CCDC180: variants seen among roughly 807,000 people sequenced by gnomAD.
The protein encoded by CCDC180 is coiled-coil domain containing 180.
In CCDC180, 154 loss-of-function variants were observed where a neutral mutation model predicts 209.2. The ratio of observed to expected loss-of-function variants is 0.74; its 90% CI spans 0.65 to 0.84. CCDC180 has a LOEUF of 0.84. Ranked by LOEUF, CCDC180 falls within the 40% of genes least tolerant of loss-of-function variation. The pLI, the probability that CCDC180 is intolerant of heterozygous loss-of-function variation, is 0.00. For missense variants in CCDC180, 1,874 were observed against 1,997.3 expected, an observed-to-expected ratio of 0.94 and a Z score of 1.18; for synonymous variants, 778 against 749.1, an observed-to-expected ratio of 1.04 and a Z score of -0.63.
intron 12 of CCDC180, 122 bp from the exon 13 acceptor site, chr9:97,323,659 T>C: frequency 8.3e-7 from 1 of 1,199,992 alleles, no homozygotes; most frequent in Non-Finnish European, 1.1e-6. Context: ...ATTCATGGGG[T>C]GCAGGGCCCT....
rs753955949 is a variant in CCDC180, at chr9:97,374,527, T to A, written c.4601-16T>A. 6.2e-6 allele frequency: 10 copies of A among 1,602,272 alleles called. No homozygotes were observed. The South Asian group carries it at 1.1e-4, about 18-fold the overall frequency. ...GTCGGTGAGGCTGCAGTCACTAGCCTGTCTTTTGCCTCTAGGGATGGAGCC... is the reference window on the plus strand; with the variant it reads ...GTCGGTGAGGCTGCAGTCACTAGCCAGTCTTTTGCCTCTAGGGATGGAGCC... On this transcript the variant is annotated splice_polypyrimidine_tract_variant and intron_variant, in intron 34 of 36. Transcript: ENST00000529487.
chr9:97,363,956 A>T, intron 28 of CCDC180, 95 bp from the exon 29 acceptor site: 15 of 1,244,258 alleles, frequency 1.2e-5, no homozygotes, highest in Non-Finnish European at 1.7e-5. Context: ...GGCAGGCCCA[A>T]TGCCTCCAGA....
At chr9:97,368,880 T>A (rs1226098094) in intron 31 of CCDC180, among the ~76,000 whole-genome samples, 1 of 152,142 alleles carries the variant, frequency 6.6e-6, no homozygotes, top group African/African-American at 2.4e-5. Flanking sequence ...ACAAAATGCC[T>A]TGAGCAAGAG....
chr9:97,375,803 G>A (rs141909932), intron 36 of CCDC180: 1 of 596,352 alleles, frequency 1.7e-6, no homozygotes, highest in African/African-American at 1.9e-5. Context: ...TGATCCCAAT[G>A]CTGTGGGAGC....
chr9:97,330,740 A>G lies in CCDC180; in HGVS notation c.2247A>G (p.Glu749=). 1 of 1,602,136 alleles carries G rather than the reference A, an allele frequency of 6.2e-7. No homozygotes were observed. The highest frequency in any genetic ancestry group is 8.5e-7 in the Non-Finnish European group (1 of 1,179,344). The change falls in exon 18 of 37, where the codon GAA becomes GAG. Residue 749 remains glutamate (E), a synonymous_variant. Coordinates refer to ENST00000529487, the MANE Select transcript of CCDC180 (RefSeq NM_020893.6). Reference sequence around the variant, plus strand: ...AGAAGGAGGAGAAGGAGGCACAGGAAGAGCAAGAGAGTTTATCTGTGGGTG... The same window carrying G: ...AGAAGGAGGAGAAGGAGGCACAGGAGGAGCAAGAGAGTTTATCTGTGGGTG... ...EEEKEEKEAQ[E]EQESLSVGEE...
intron 31 of CCDC180, among the ~76,000 whole-genome samples, chr9:97,367,662 CAG>C (rs954948957): frequency 1.2e-4 from 19 of 152,028 alleles, no homozygotes; most frequent in African/African-American, 4.6e-4. Context: ...TTAGTAAAGA[CAG>C]GGTTTCACCA....
chr9:97,362,455 C>T lies in CCDC180; in HGVS notation c.3902+14C>T. 1 of 1,609,538 alleles carries T rather than the reference C, an allele frequency of 6.2e-7. No individual in the cohort carries two copies. Among genetic ancestry groups the T allele is most frequent in the South Asian group, 1.1e-5 (1 of 90,418 alleles). ...CTCTGCAGGCAGGTAGGACACAAAGCAGCCAGAATCGCCCCTTCCCAGTCC... is the reference window on the plus strand; with the variant it reads ...CTCTGCAGGCAGGTAGGACACAAAGTAGCCAGAATCGCCCCTTCCCAGTCC... On this transcript the variant is annotated intron_variant, in intron 28 of 36. Coordinates refer to ENST00000529487, the MANE Select transcript of CCDC180 (RefSeq NM_020893.6).
At position 97,314,418 on chromosome 9, in the gene CCDC180, CA is replaced by C; in HGVS notation, c.486del (p.Gly164AspfsTer4). ...GAAATGGAACCTCTCATCGTGGACACAGGGGGACTTTTTTTGAAGAAGCTGA... is the reference window on the plus strand; with the variant it reads ...GAAATGGAACCTCTCATCGTGGACACGGGGGACTTTTTTTGAAGAAGCTGA... ...GKEMEPLIVD[T>X]GGLFLKKLTE... On this transcript the variant is annotated frameshift_variant, in exon 6 of 37. Coordinates refer to ENST00000529487, the MANE Select transcript of CCDC180 (RefSeq NM_020893.6). LOFTEE classifies it high-confidence loss of function. 6.2e-7 allele frequency: 1 copy of C among 1,614,128 alleles called. No individual in the cohort carries two copies. Among genetic ancestry groups the C allele is most frequent in the East Asian group, 2.2e-5 (1 of 44,880 alleles).
chr9:97,338,593 A>G (rs1304326494), intron 18 of CCDC180, among the ~76,000 whole-genome samples: 2 of 152,170 alleles, frequency 1.3e-5, no homozygotes, highest in Admixed American at 6.5e-5. Context: ...TATGTGGTCA[A>G]TTTTGGAATA....
Position 97,376,760 on chromosome 9 carries a change from T to C in CCDC180, c.4843-3T>C. 1 of 1,612,536 alleles carries C rather than the reference T, an allele frequency of 6.2e-7. No homozygotes were observed. The highest frequency in any genetic ancestry group is 8.5e-7 in the Non-Finnish European group (1 of 1,179,428). On this transcript the variant is annotated splice_polypyrimidine_tract_variant and splice_region_variant and intron_variant, in intron 36 of 36. Coordinates refer to ENST00000529487, the MANE Select transcript of CCDC180 (RefSeq NM_020893.6). ...TGGACCCCTCCTGCTACCTTCCTTC[T>C]AGAAATATTTAGCATCATTTGAGGA...
chr9:97,313,030 C>T (rs536788636), intron 4 of CCDC180, among the ~76,000 whole-genome samples: 1 of 152,068 alleles, frequency 6.6e-6, no homozygotes, highest in South Asian at 2.1e-4. Flanking sequence ...TTTTTCAGCT[C>T]TTAACTGTAT....
chr9:97,352,945 G>GTGTATATA (rs1554731866), intron 22 of CCDC180, among the ~76,000 whole-genome samples: 18 of 136,384 alleles, frequency 1.3e-4, no homozygotes, highest in African/African-American at 4.6e-4. Context: ...ATATACGTAT[G>GTGTATATA]TATATATATA....
At position 97,359,999 on chromosome 9, in the gene CCDC180, ACTC is replaced by A; in HGVS notation, c.3385_3387del (p.Leu1129del). 7.4e-6 allele frequency: 12 copies of A among 1,613,158 alleles called. No homozygotes were observed. Among genetic ancestry groups the A allele is most frequent in the South Asian group, 1.1e-5 (1 of 90,994 alleles). The stretch of plus-strand genomic sequence containing the variant: ...CTCACCAGACAGTGACCACAGAAGA[ACTC>A]CTCAGCTTCGTCCAAACTTGGAAGG... On this transcript the variant is annotated inframe_deletion, in exon 26 of 37. Transcript: ENST00000529487.
At chr9:97,355,655 G>A (rs758945094) in intron 24 of CCDC180, among the ~76,000 whole-genome samples, 1 of 152,196 alleles carries the variant, frequency 6.6e-6, no homozygotes, top group African/African-American at 2.4e-5. Flanking sequence ...AAAGGGTAAA[G>A]TCAAAATGTG....
intron 31 of CCDC180, among the ~76,000 whole-genome samples, chr9:97,367,228 C>T (rs1826948318): frequency 6.6e-6 from 1 of 152,166 alleles, no homozygotes; most frequent in African/African-American, 2.4e-5. Context: ...CATAATATTT[C>T]AAGGTTTATG....
intron 18 of CCDC180, among the ~76,000 whole-genome samples, chr9:97,342,087 T>G (rs888426479): frequency 1.3e-5 from 2 of 152,236 alleles, no homozygotes; most frequent in African/African-American, 4.8e-5. Context: ...TGTCATGGCT[T>G]CCCTTGGCTA....
chr9:97,357,563 A>C, intron 24 of CCDC180, 64 bp from the exon 25 acceptor site: 1 of 1,092,786 alleles, frequency 9.2e-7, no homozygotes, highest in Non-Finnish European at 1.4e-6. Flanking sequence ...TATGTTTCAC[A>C]GAATGTTTCC....
At chr9:97,320,394 G>C (rs1429792068) in intron 11 of CCDC180, among the ~76,000 whole-genome samples, 189 bp downstream of exon 11, 2 of 152,084 alleles carry the variant, frequency 1.3e-5, no homozygotes, top group African/African-American at 4.8e-5. Flanking sequence ...TCAGTGCCCA[G>C]CCTGCAGCTA....
chr9:97,324,299 C>T (rs998416534), intron 13 of CCDC180, among the ~76,000 whole-genome samples: 15 of 152,202 alleles, frequency 9.9e-5, no homozygotes, highest in African/African-American at 1.4e-4. Flanking sequence ...GTCTCTGACG[C>T]ACCTTGTCAG....
Sources: allele counts gnomAD v4.1 joint callset (sites outside exome capture counted in the v4.1 genomes callset), GRCh38; gene constraint gnomAD v4.1.1; transcripts MANE v1.5; gene names NCBI Gene and HGNC (gene_info 2026-07-23, HGNC 2026-07-21).